The following HPSE variants were observed in gnomAD, a reference collection of about 807,000 sequenced individuals.
The protein encoded by HPSE is endo-glucoronidase.
Under a neutral mutation model 65.1 loss-of-function variants are expected in HPSE, and 48 were observed. The ratio of observed to expected loss-of-function variants is 0.74; its 90% CI spans 0.58 to 0.94. The LOEUF (loss-of-function observed/expected upper bound fraction) is 0.94. Among genes scored for constraint, HPSE ranks in the 40% least tolerant of loss-of-function variants. HPSE has a pLI of 0.00. For synonymous variants in HPSE, 243 were observed against 260.0 expected (o/e 0.93, Z 0.63); for missense variants, 644 against 637.5 (o/e 1.01, Z -0.11).
At chr4:83,331,271 A>G (rs1213475398) in intron 1 of HPSE, among the ~76,000 whole-genome samples, 3 of 152,226 alleles carry the variant, frequency 2.0e-5, no homozygotes. Context: ...AGATTATAGA[A>G]TAGACTTGGT....
Position 83,300,996 on chromosome 4 carries a change from A to G in HPSE, c.1436T>C (p.Leu479Pro), listed in dbSNP as rs1735924799. The change falls in exon 11 of 12, where the codon CTT becomes CCT. Residue 479 changes from leucine (L) to proline (P), a missense_variant. Leu to Pro is a moderately conservative substitution (Grantham distance 98, BLOSUM62 -3). Transcript: ENST00000311412. Reference sequence around the variant, plus strand: ...TCCATGAGGTCCCAAAGGTCTTAGAAGGTATTTATCCACTTGCTTGTTAGA... The same window carrying G: ...TCCATGAGGTCCCAAAGGTCTTAGAGGGTATTTATCCACTTGCTTGTTAGA... ...PFSNKQVDKYLLRPLGPHGLL... is the reference protein window; with the variant it reads ...PFSNKQVDKYPLRPLGPHGLL... 1.2e-6 allele frequency: 2 copies of G among 1,608,696 alleles called. No individual in the cohort carries two copies. Among genetic ancestry groups the G allele is most frequent in the East Asian group, 2.2e-5 (1 of 44,670 alleles).
intron 2 of HPSE, among the ~76,000 whole-genome samples, chr4:83,321,959 A>G (rs1736909603): frequency 6.9e-6 from 1 of 144,870 alleles, no homozygotes; most frequent in Non-Finnish European, 1.5e-5. Context: ...TTTACTGTAC[A>G]ATGAGCTCTC....
At chr4:83,313,021 CAAAAA>C (rs370866017) in intron 4 of HPSE, 88 bp downstream of exon 4, 47 of 645,818 alleles carry the variant, frequency 7.3e-5, no homozygotes, top group Middle Eastern at 4.3e-4. Context: ...GACTCTGTCT[CAAAAA>C]AAAAAAAAAA....
chr4:83,317,815 T>G (rs1244327969), intron 3 of HPSE, among the ~76,000 whole-genome samples: 1 of 152,216 alleles, frequency 6.6e-6, no homozygotes. Flanking sequence ...TATAATGATT[T>G]ATTACAAATG....
At chr4:83,314,603 A>C (rs1736556100) in intron 3 of HPSE, among the ~76,000 whole-genome samples, 1 of 152,102 alleles carries the variant, frequency 6.6e-6, no homozygotes, top group Non-Finnish European at 1.5e-5. Flanking sequence ...TTCTATTACC[A>C]CTTTTTGAGA....
At chr4:83,319,041 T>C (rs891265631) in intron 3 of HPSE, among the ~76,000 whole-genome samples, 10 of 152,184 alleles carry the variant, frequency 6.6e-5, no homozygotes. Flanking sequence ...TAATTTTACA[T>C]GAGGAATATA....
chr4:83,295,534 C>A, intron 11 of HPSE, 31 bp from the exon 12 acceptor site: 1 of 1,521,832 alleles, frequency 6.6e-7, no homozygotes, highest in Non-Finnish European at 8.9e-7. Flanking sequence ...CCGAGTTAAC[C>A]AAGTGGTGCA....
rs1445264973 is a variant in HPSE at position 83,321,629 on chromosome 4, C to T, written c.373+590G>A. Among the ~76,000 whole-genome samples the T allele has an allele frequency of 5.3e-5, 8 of 152,186 alleles. No individual in the cohort carries two copies. The South Asian group carries it at 1.2e-3, about 24-fold the overall frequency. On this transcript the variant is annotated intron_variant, in intron 2 of 11. Coordinates refer to ENST00000311412, the MANE Select transcript of HPSE (RefSeq NM_001098540.3). ...GCCCATCCTAGTAATTGTTAAGATACGATTTAACTTCCATTTGATGTCTGA... is the reference window on the plus strand; with the variant it reads ...GCCCATCCTAGTAATTGTTAAGATATGATTTAACTTCCATTTGATGTCTGA...
chr4:83,313,594 C>G (rs1041316734), intron 3 of HPSE, among the ~76,000 whole-genome samples: 2 of 152,150 alleles, frequency 1.3e-5, no homozygotes, highest in African/African-American at 4.8e-5. Flanking sequence ...CTCAGTGCTC[C>G]ACATGCATAG....
At chr4:83,296,850 GT>G (rs1180627789) in intron 11 of HPSE, among the ~76,000 whole-genome samples, 1 of 151,916 alleles carries the variant, frequency 6.6e-6, no homozygotes. Context: ...ATAAATAAAA[GT>G]AACCTAAGTC....
intron 11 of HPSE, among the ~76,000 whole-genome samples, chr4:83,296,331 A>G (rs540166310): frequency 6.6e-6 from 1 of 152,252 alleles, no homozygotes; most frequent in African/African-American, 2.4e-5. Context: ...CTTTTTCTCA[A>G]ATATGTTTTA....
intron 4 of HPSE, among the ~76,000 whole-genome samples, chr4:83,312,096 T>C (rs1736402185): frequency 6.6e-6 from 1 of 152,010 alleles, no homozygotes; most frequent in South Asian, 2.1e-4. Context: ...TTTGAGAAAA[T>C]GAGAAAGGAA....
intron 9 of HPSE, 137 bp from the exon 10 acceptor site, chr4:83,302,405 T>C (rs1177339420): frequency 2.0e-5 from 12 of 585,962 alleles, no homozygotes; most frequent in Non-Finnish European, 3.6e-5. Flanking sequence ...ATAGGATTCA[T>C]CTTTTTTTTT....
intron 3 of HPSE, among the ~76,000 whole-genome samples, chr4:83,316,526 C>T (rs977782929): frequency 2.6e-5 from 4 of 152,104 alleles, no homozygotes; most frequent in Non-Finnish European, 5.9e-5. Context: ...AAAAAAATGG[C>T]AGATCTTTCC....
intron 10 of HPSE, 114 bp from the exon 11 acceptor site, chr4:83,301,220 TC>T (rs1378910297): frequency 3.2e-6 from 2 of 622,340 alleles, no homozygotes; most frequent in Admixed American, 3.4e-5. Context: ...CCATAATGCA[TC>T]CTAAGTATTA....
intron 1 of HPSE, 22 bp downstream of exon 1, chr4:83,334,534 G>A (rs1298802430): frequency 1.3e-6 from 2 of 1,558,042 alleles, no homozygotes; most frequent in South Asian, 1.2e-5. Context: ...AAAGGGGACA[G>A]GACCAGGAGG....
rs779763952 is a variant in HPSE at position 83,309,449 on chromosome 4, G to T, written c.937C>A (p.Pro313Thr). 7 of 1,592,956 alleles carry T rather than the reference G, an allele frequency of 4.4e-6. No homozygotes were observed. The highest frequency in any genetic ancestry group is 6.0e-6 in the Non-Finnish European group (7 of 1,165,542). ...GAAATAAAAATGTCCAATACATCAG[G>T]GTTTAGAAAATCTTCCTTGGTAGCA... ...RTATKEDFLN[P>T]DVLDIFISSV... is the part of the protein sequence containing the mutation. Residue 313 changes from proline (P) to threonine (T), a missense_variant, in exon 7 of 12, where the codon CCT becomes ACT. Physicochemically the swap from Pro to Thr is conservative, Grantham distance 38. Transcript: ENST00000311412.
intron 9 of HPSE, among the ~76,000 whole-genome samples, chr4:83,302,911 G>C (rs575240483): frequency 1.0e-3 from 157 of 152,096 alleles, no homozygotes; most frequent in Non-Finnish European, 1.9e-3. Context: ...GGAGGTCAAG[G>C]CTGCAGTGAG....
intron 6 of HPSE, 103 bp from the exon 7 acceptor site, chr4:83,309,598 T>C (rs192194035): frequency 5.9e-5 from 41 of 695,714 alleles, no homozygotes; most frequent in Admixed American, 5.6e-4. Context: ...CCCACTCACC[T>C]GTTACTAAAA....
Sources: gnomAD v4.1 joint callset for allele counts (sites outside exome capture counted in the v4.1 genomes callset) on GRCh38, gnomAD v4.1.1 for gene constraint, MANE v1.5 for transcripts, NCBI Gene and HGNC (gene_info 2026-07-23, HGNC 2026-07-21) for gene names.